CSNK2A1: variants seen among roughly 807,000 people sequenced by gnomAD.
CSNK2A1 encodes the protein casein kinase 2 alpha 1, also known as casein kinase II subunit alpha.
Under a neutral mutation model 62.9 loss-of-function variants are expected in CSNK2A1, and 10 were observed. That is an observed-to-expected ratio of 0.16 (90% CI 0.10 to 0.27). The LOEUF is 0.27. CSNK2A1 is among the 10% of genes least tolerant of loss of function. The pLI, the probability that CSNK2A1 is intolerant of heterozygous loss-of-function variation, is 1.00. For missense variants in CSNK2A1, 160 were observed against 492.0 expected (o/e 0.33, Z 6.38); for synonymous variants, 124 against 167.8 (o/e 0.74, Z 2.02).
intron 4 of CSNK2A1, chr20:501,580 A>C (rs1337393433): frequency 2.6e-5 from 4 of 152,160 alleles, no homozygotes; most frequent in Admixed American, 6.5e-5. Context: ...AAACCCTTGA[A>C]ATCTAATGTA....
intron 13 of CSNK2A1, among the ~76,000 whole-genome samples, chr20:485,103 A>ATACATATAT (rs2018059131): frequency 3.8e-5 from 1 of 26,124 alleles, no homozygotes; most frequent in African/African-American, 1.2e-4. Context: ...AAAAAAAAAA[A>ATACATATAT]AAAAAAATAT....
intron 2 of CSNK2A1, among the ~76,000 whole-genome samples, chr20:522,052 C>A (rs912909521): frequency 6.6e-6 from 1 of 152,218 alleles, no homozygotes; most frequent in African/African-American, 2.4e-5. Context: ...GGGAGTCACT[C>A]GCATTACTGC....
chr20:527,158 A>T (rs1005653120), intron 2 of CSNK2A1, among the ~76,000 whole-genome samples: 2 of 152,216 alleles, frequency 1.3e-5, no homozygotes, highest in Non-Finnish European at 2.9e-5. Context: ...CAGATCCTAC[A>T]GATGGTAAAA....
rs552411255 is a variant in CSNK2A1, at chr20:474,428, C to T, written c.*9533G>A. The T allele has an allele frequency of 4.6e-5, 7 of 152,226 alleles. No homozygotes were observed. The East Asian group carries it at 1.4e-3, about 29-fold the overall frequency. The allele number at this position is 152,226 out of a possible 1,614,324, so 9.4% of individuals were successfully genotyped here. ...GGAAGGCATCAAGACCAGTTATCTG[C>T]TATGATACTCCAAGCAAGAGAGGAT... On this transcript the variant is annotated 3_prime_UTR_variant, in exon 14 of 14. Coordinates refer to ENST00000217244, the MANE Select transcript of CSNK2A1 (RefSeq NM_177559.3).
intron 3 of CSNK2A1, chr20:506,634 T>C (rs1278335657): frequency 6.6e-6 from 1 of 152,156 alleles, no homozygotes; most frequent in Admixed American, 6.5e-5. Flanking sequence ...ACCTACTAAG[T>C]ATCCAATATG....
chr20:499,453 C>T lies in CSNK2A1; in HGVS notation c.316-148G>A. On this transcript the variant is annotated intron_variant, in intron 5 of 13. Transcript: ENST00000217244. This position sits in a 1 kb window ranked among gnomAD's most constrained non-coding sequence, Gnocchi z 4.2. ...CCTCTATTGCTACAAGCCCTCCCCGCTCTGATCATCACCGCACTTAGGTCA... is the reference window on the plus strand; with the variant it reads ...CCTCTATTGCTACAAGCCCTCCCCGTTCTGATCATCACCGCACTTAGGTCA... 3 of 635,754 alleles carry T rather than the reference C, an allele frequency of 4.7e-6. No individual in the cohort carries two copies. The highest frequency in any genetic ancestry group is 7.9e-6 in the Non-Finnish European group (3 of 380,504). The allele number at this position is 635,754 out of a possible 1,614,324, so 39.4% of individuals were successfully genotyped here. A position where few individuals can be genotyped will look rare whatever the true frequency, so the allele number is the denominator to read the frequency against.
chr20:534,372 A>T (rs781533605), intron 1 of CSNK2A1, among the ~76,000 whole-genome samples: 2 of 152,218 alleles, frequency 1.3e-5, no homozygotes, highest in Non-Finnish European at 2.9e-5. Context: ...GAGTTTCAAT[A>T]ATCAGGTTTC....
intron 2 of CSNK2A1, among the ~76,000 whole-genome samples, chr20:526,346 C>T (rs983580597): frequency 6.6e-6 from 1 of 151,928 alleles, no homozygotes; most frequent in African/African-American, 2.4e-5. Flanking sequence ...CATGGTGGCT[C>T]ATGACTGTAA....
At position 508,518 on chromosome 20, in the gene CSNK2A1, A is replaced by C; in HGVS notation, c.34T>G (p.Tyr12Asp). ...SGPVPSRARV[Y>D]TDVNTHRPRE... ...GGTCTGTGTGTATTAACATCTGTGTAAACTCTGGCCCTGCTTGGCACGGGT... is the reference window on the plus strand; with the variant it reads ...GGTCTGTGTGTATTAACATCTGTGTCAACTCTGGCCCTGCTTGGCACGGGT... Residue 12 changes from tyrosine to aspartate, a missense_variant, in exon 3 of 14, where the codon TAC becomes GAC. Coordinates refer to ENST00000217244, the MANE Select transcript of CSNK2A1 (RefSeq NM_177559.3). 6.2e-7 allele frequency: 1 copy of C among 1,614,144 alleles called. No individual in the cohort carries two copies. The highest frequency in any genetic ancestry group is 8.5e-7 in the Non-Finnish European group (1 of 1,180,006).
At chr20:497,970 A>G (rs2018379397) in intron 6 of CSNK2A1, 190 bp from the exon 7 acceptor site, 5 of 529,336 alleles carry the variant, frequency 9.4e-6, no homozygotes, top group Non-Finnish European at 1.7e-5. Context: ...ACTCTTAAAA[A>G]TGAAGAATTA....
chr20:508,468 T>G lies in CSNK2A1; in HGVS notation c.84A>C (p.Ser28=), dbSNP rs1321440333. 6.2e-7 allele frequency: 1 copy of G among 1,614,158 alleles called. No homozygotes were observed. The highest frequency in any genetic ancestry group is 1.7e-5 in the Admixed American group (1 of 60,016). The change falls in exon 3 of 14, where the codon TCA becomes TCC. Residue 28 remains serine, a synonymous_variant. Transcript: ENST00000217244. The part of the protein sequence containing the change: ...HRPREYWDYE[S]HVVEWGNQDD... ...ACAATTACCCCCATTCCACCACATG[T>G]GACTCGTAATCCCAGTATTCTCGAG...
chr20:491,636 A>G (rs569662292), intron 9 of CSNK2A1, among the ~76,000 whole-genome samples: 1 of 152,240 alleles, frequency 6.6e-6, no homozygotes, highest in African/African-American at 2.4e-5. Flanking sequence ...ATGGCATTGC[A>G]CTCCAGCCTG....
chr20:507,925 A>C (rs1204062596), intron 3 of CSNK2A1: 1 of 152,330 alleles, frequency 6.6e-6, no homozygotes, highest in African/African-American at 2.4e-5. Context: ...CAGAGTGTTT[A>C]CACAAACCTA....
intron 9 of CSNK2A1, among the ~76,000 whole-genome samples, chr20:491,731 G>A (rs1163187448): frequency 6.6e-6 from 1 of 152,012 alleles, no homozygotes; most frequent in African/African-American, 2.4e-5. Flanking sequence ...AGACCATCCT[G>A]GCTAACACAG....
At chr20:492,582 T>C in intron 8 of CSNK2A1, 2 of 533,520 alleles carry the variant, frequency 3.7e-6, no homozygotes, top group Non-Finnish European at 6.6e-6. Context: ...ACCTGTGCTT[T>C]TACAAATTTC....
chr20:501,430 C>T (rs762755839), intron 4 of CSNK2A1: 6 of 152,044 alleles, frequency 3.9e-5, no homozygotes, highest in Non-Finnish European at 8.8e-5. Flanking sequence ...TAATACAAAC[C>T]ACATGTGTAA....
At chr20:506,080 G>GT (rs1251008133) in intron 3 of CSNK2A1, 1 of 151,318 alleles carries the variant, frequency 6.6e-6, no homozygotes, top group East Asian at 2.0e-4. Flanking sequence ...GTTTCACCGT[G>GT]TTAGCCAGGA....
intron 2 of CSNK2A1, among the ~76,000 whole-genome samples, chr20:525,463 T>C (rs566358571): frequency 2.1e-3 from 323 of 151,334 alleles, no homozygotes; most frequent in Non-Finnish European, 3.8e-3. Context: ...CCACCCTGGC[T>C]AACATGGTGA....
At chr20:486,234 CA>C in intron 13 of CSNK2A1, 141 bp downstream of exon 13, 1 of 818,268 alleles carries the variant, frequency 1.2e-6, no homozygotes, top group Non-Finnish European at 1.9e-6. Flanking sequence ...TACCAAATGT[CA>C]AGCATGCTGA....
Sources: gnomAD v4.1 joint callset for allele counts (sites outside exome capture counted in the v4.1 genomes callset) on GRCh38, gnomAD v4.1.1 for gene constraint, Gnocchi (gnomAD v3.1) non-coding constraint, MANE v1.5 for transcripts, NCBI Gene and HGNC (gene_info 2026-07-23, HGNC 2026-07-21) for gene names.